CREB5: variants seen among roughly 807,000 people sequenced by gnomAD.
CREB5 encodes cAMP responsive element binding protein 5, also known as cyclic AMP-responsive element-binding protein 5.
CREB5 carries 19 observed loss-of-function variants against 57.1 expected under a neutral mutation model. The ratio of observed to expected loss-of-function variants is 0.33; its 90% CI spans 0.23 to 0.49. The LOEUF is 0.49. Ranked by LOEUF, CREB5 falls within the 20% of genes least tolerant of loss-of-function variation. CREB5 has a pLI of 0.99. For synonymous variants in CREB5, 238 were observed against 238.3 expected (o/e 1.00, Z 0.01); for missense variants, 579 against 671.6 (o/e 0.86, Z 1.52).
Position 28,700,977 on chromosome 7 carries a change from C to A in CREB5, c.465-17776C>A, listed in dbSNP as rs375106259. Among the ~76,000 whole-genome samples, 560 of 128,264 alleles carry A rather than the reference C, an allele frequency of 4.4e-3. 3 individuals are homozygous for A. The highest frequency in any genetic ancestry group is 0.026 in the East Asian group (114 of 4,408). 84.1% of individuals were successfully genotyped at this position (128,264 alleles called of 152,430 possible). The stretch of plus-strand genomic sequence containing the variant: ...AGGGATTTAAAAAAAAAAAAAAAAA[C>A]AACCCACCAACCCTGTGAGTAAAGT... On this transcript the variant is annotated intron_variant, in intron 5 of 10. Transcript: ENST00000357727.
chr7:28,438,797 C>A (rs1789068882), intron 1 of CREB5, among the ~76,000 whole-genome samples: 1 of 152,234 alleles, frequency 6.6e-6, no homozygotes, highest in African/African-American at 2.4e-5. Flanking sequence ...AAGTTCCCAT[C>A]TGCTTCTAAC....
In CREB5 at chr7:28,560,883, CGTGCGT is replaced by C. The variant is rs1562797467; in HGVS notation, c.292-9478_292-9473del. On this transcript the variant is annotated intron_variant, in intron 4 of 10. Coordinates refer to ENST00000357727, the MANE Select transcript of CREB5 (RefSeq NM_182898.4). ...GCGTGTGCCTGCGTGCGCGTGCGTG[CGTGCGT>C]GTGTGTGCGTGCGCGCGTGCGTGTG... Among the ~76,000 whole-genome samples the C allele has an allele frequency of 4.6e-3, 79 of 17,252 alleles. 7 individuals carry two copies. Among genetic ancestry groups the C allele is most frequent in the Middle Eastern group, 0.05 (1 of 20 alleles). 11.3% of individuals were successfully genotyped at this position (17,252 alleles called of 152,430 possible).
intron 1 of CREB5, among the ~76,000 whole-genome samples, chr7:28,389,979 C>T (rs1351621648): frequency 4.6e-5 from 7 of 151,404 alleles, no homozygotes; most frequent in Non-Finnish European, 1.5e-5. Flanking sequence ...AATCTGGTAT[C>T]CTGGAGGCTC....
intron 5 of CREB5, among the ~76,000 whole-genome samples, chr7:28,623,600 A>C (rs1437561225): frequency 6.6e-6 from 1 of 152,232 alleles, no homozygotes; most frequent in Non-Finnish European, 1.5e-5. Flanking sequence ...TTAAAGAAAC[A>C]GATTCTACAG....
At chr7:28,712,773 A>G (rs900425509) in intron 5 of CREB5, among the ~76,000 whole-genome samples, 3 of 151,856 alleles carry the variant, frequency 2.0e-5, no homozygotes, top group African/African-American at 7.3e-5. Flanking sequence ...ACCTCAAGCA[A>G]TCCGCCTGTC....
At chr7:28,348,408 T>TCTCTCACTCA in intron 1 of CREB5, among the ~76,000 whole-genome samples, 1 of 118,248 alleles carries the variant, frequency 8.5e-6, no homozygotes, top group African/African-American at 3.2e-5. Flanking sequence ...TCTCTCTCTC[T>TCTCTCACTCA]CACACACACA....
chr7:28,332,546 A>AGT lies in CREB5; in HGVS notation c.-25+33106_-25+33107dup, dbSNP rs1278844323. Among the ~76,000 whole-genome samples, 45 of 152,302 alleles carry AGT rather than the reference A, an allele frequency of 3.0e-4. 1 individual carries two copies. Among genetic ancestry groups the AGT allele is most frequent in the African/African-American group, 9.9e-4 (41 of 41,564 alleles). ...GCCTCCCCTGCTACATACACTTGGA[A>AGT]GTATTTGAAGATTACAACCCTGTAC... On this transcript the variant is annotated intron_variant, in intron 1 of 9. Coordinates refer to the CREB5 transcript ENST00000396299.
chr7:28,355,192 G>T (rs891541287), intron 1 of CREB5, among the ~76,000 whole-genome samples: 3 of 152,204 alleles, frequency 2.0e-5, no homozygotes, highest in African/African-American at 7.2e-5. Flanking sequence ...CATCTGTTAT[G>T]GTGACAGGTT....
chr7:28,426,326 G>A (rs922847783), intron 1 of CREB5, among the ~76,000 whole-genome samples: 13 of 152,300 alleles, frequency 8.5e-5, no homozygotes, highest in East Asian at 1.9e-4. Flanking sequence ...TTGTCTGGTC[G>A]CTGAGCTCAT....
At chr7:28,628,189 G>C (rs367874087) in intron 5 of CREB5, among the ~76,000 whole-genome samples, 3 of 151,588 alleles carry the variant, frequency 2.0e-5, no homozygotes, top group Non-Finnish European at 4.4e-5. Flanking sequence ...CATATCTCTC[G>C]TCAGTCTTTA....
At chr7:28,551,841 C>CT (rs1180223772) in intron 4 of CREB5, among the ~76,000 whole-genome samples, 1 of 146,948 alleles carries the variant, frequency 6.8e-6, no homozygotes, top group Admixed American at 6.7e-5. Flanking sequence ...TTCTTTCTTT[C>CT]TTTTTCTTTC....
chr7:28,719,847 G>A (rs1802917765), intron 6 of CREB5, among the ~76,000 whole-genome samples: 1 of 152,138 alleles, frequency 6.6e-6, no homozygotes, highest in African/African-American at 2.4e-5. Flanking sequence ...AGATCATGAG[G>A]TCAAGAGATC....
chr7:28,601,981 A>G (rs1796935042), intron 5 of CREB5, among the ~76,000 whole-genome samples: 1 of 152,154 alleles, frequency 6.6e-6, no homozygotes, highest in Non-Finnish European at 1.5e-5. Flanking sequence ...ACTTCACATG[A>G]AAGACATAAA....
chr7:28,474,776 A>G (rs1444224113), intron 1 of CREB5, among the ~76,000 whole-genome samples: 1 of 152,142 alleles, frequency 6.6e-6, no homozygotes, highest in Non-Finnish European at 1.5e-5. Flanking sequence ...AATAACTGGG[A>G]ATTTTGGCAC....
chr7:28,685,892 T>G, intron 5 of CREB5: 1 of 411,924 alleles, frequency 2.4e-6, no homozygotes, highest in Admixed American at 4.3e-5. Context: ...TACATTGAAG[T>G]TTTTGCTTCA....
rs139271189 is a variant in CREB5, at chr7:28,466,584, T to C, written c.4-21591T>C. Among the ~76,000 whole-genome samples the C allele has an allele frequency of 2.5e-3, 388 of 152,316 alleles. 4 individuals carry two copies. Among genetic ancestry groups the C allele is most frequent in the African/African-American group, 8.8e-3 (365 of 41,574 alleles). ...TCCTTCTTTCTGACTAAGCTTTTCG[T>C]GTCACAAGACCAATATTACCAATCA... On this transcript the variant is annotated intron_variant, in intron 1 of 10. Transcript: ENST00000357727.
chr7:28,561,762 G>A (rs559880972), intron 4 of CREB5, among the ~76,000 whole-genome samples: 35 of 152,256 alleles, frequency 2.3e-4, no homozygotes, highest in African/African-American at 7.7e-4. Context: ...TTTATTTTTC[G>A]AGATGGAGTC....
chr7:28,500,473 CA>C (rs1177850656), intron 3 of CREB5, among the ~76,000 whole-genome samples: 1 of 152,174 alleles, frequency 6.6e-6, no homozygotes, highest in Non-Finnish European at 1.5e-5. Flanking sequence ...CAGCACTCAC[CA>C]TTTGATAGAA....
intron 1 of CREB5, chr7:28,435,545 T>G (rs1788926476): frequency 1.3e-6 from 1 of 798,094 alleles, no homozygotes. Context: ...CCTCTTAAAT[T>G]TAAGTGTCAG....
Sources: gnomAD v4.1 joint callset for allele counts (sites outside exome capture counted in the v4.1 genomes callset) on GRCh38, gnomAD v4.1.1 for gene constraint, MANE v1.5 for transcripts, NCBI Gene and HGNC (gene_info 2026-07-23, HGNC 2026-07-21) for gene names.